Variants in STXBP6 observed in about 807,000 individuals in gnomAD.
STXBP6 encodes syntaxin-binding protein 6.
STXBP6 carries 21 observed loss-of-function variants against 26.9 expected under a neutral mutation model. The observed-to-expected ratio is 0.78, with a 90% CI of 0.55 to 1.12. The LOEUF (loss-of-function observed/expected upper bound fraction) is 1.12, where lower values mean the gene tolerates loss of function less well. STXBP6 is among the 50% of genes most tolerant of loss of function. The pLI, the probability that STXBP6 is intolerant of heterozygous loss-of-function variation, is 0.00. For missense variants in STXBP6, 232 were observed against 257.9 expected (o/e 0.90, Z 0.69); for synonymous variants, 97 against 92.6 (o/e 1.05, Z -0.27).
At chr14:25,012,184 C>T (rs547565526) in intron 1 of STXBP6, among the ~76,000 whole-genome samples, 1 of 152,114 alleles carries the variant, frequency 6.6e-6, no homozygotes, top group Non-Finnish European at 1.5e-5. Flanking sequence ...TATAAGGCCA[C>T]AAGTGATTAT....
chr14:24,945,320 T>G (rs1308514246), intron 2 of STXBP6, among the ~76,000 whole-genome samples: 1 of 151,872 alleles, frequency 6.6e-6, no homozygotes, highest in African/African-American at 2.4e-5. Flanking sequence ...GGCTCACACC[T>G]GTAATCCCAG....
intron 2 of STXBP6, among the ~76,000 whole-genome samples, chr14:24,874,688 A>C (rs2070069419): frequency 6.6e-6 from 1 of 152,186 alleles, no homozygotes; most frequent in South Asian, 2.1e-4. Flanking sequence ...ATGAGAAAAA[A>C]GTTGTTTGCT....
chr14:24,885,376 C>G (rs566406869), intron 2 of STXBP6, among the ~76,000 whole-genome samples: 2 of 152,278 alleles, frequency 1.3e-5, no homozygotes, highest in African/African-American at 2.4e-5. Context: ...TTCCTGTACT[C>G]AAGGTTTGGC....
chr14:25,007,503 C>T (rs1227688613), intron 1 of STXBP6, among the ~76,000 whole-genome samples: 1 of 152,174 alleles, frequency 6.6e-6, no homozygotes, highest in Non-Finnish European at 1.5e-5. Context: ...CCTTACCCCT[C>T]AGCACAATTC....
chr14:24,968,270 CG>C (rs2073798201), intron 2 of STXBP6, among the ~76,000 whole-genome samples: 1 of 150,640 alleles, frequency 6.6e-6, no homozygotes, highest in African/African-American at 2.4e-5. Context: ...TGAATTTCTT[CG>C]TTTTTCCTGG....
chr14:24,942,854 G>C (rs979386161), intron 2 of STXBP6, among the ~76,000 whole-genome samples: 2 of 152,146 alleles, frequency 1.3e-5, no homozygotes, highest in Admixed American at 6.6e-5. Context: ...GAAAAATCAA[G>C]ACAGGTACAC....
intron 1 of STXBP6, among the ~76,000 whole-genome samples, chr14:25,019,288 C>G (rs1273264285): frequency 6.6e-6 from 1 of 152,140 alleles, no homozygotes; most frequent in Admixed American, 6.5e-5. Context: ...TCTAAAGGAA[C>G]TTGTGGATTG....
At chr14:24,817,621 A>C (rs1322247528) in intron 5 of STXBP6, 1 of 165,080 alleles carries the variant, frequency 6.1e-6, no homozygotes, top group African/African-American at 2.4e-5. Context: ...TGTTGTTGTT[A>C]AAGAAGCTGA....
At chr14:25,012,480 G>A (rs941260666) in intron 1 of STXBP6, among the ~76,000 whole-genome samples, 3 of 152,264 alleles carry the variant, frequency 2.0e-5, no homozygotes, top group East Asian at 1.9e-4. Flanking sequence ...AGTAGTCCCA[G>A]CTATCTGGGA....
intron 2 of STXBP6, among the ~76,000 whole-genome samples, chr14:24,927,094 T>C (rs1011793526): frequency 6.6e-6 from 1 of 152,176 alleles, no homozygotes; most frequent in Non-Finnish European, 1.5e-5. Flanking sequence ...GGAATCATAA[T>C]GGATGAATTT....
At chr14:24,919,033 A>G (rs536704427) in intron 2 of STXBP6, among the ~76,000 whole-genome samples, 2 of 152,168 alleles carry the variant, frequency 1.3e-5, no homozygotes, top group African/African-American at 4.8e-5. Context: ...ATCATAATGG[A>G]GACTCTGGAA....
At chr14:24,836,367 C>A (rs182911004) in intron 4 of STXBP6, among the ~76,000 whole-genome samples, 100 of 152,088 alleles carry the variant, frequency 6.6e-4, no homozygotes, top group African/African-American at 2.4e-3. Flanking sequence ...GAGGTCGAGG[C>A]GAGCGGACCA....
chr14:24,923,864 A>T (rs946515327), intron 2 of STXBP6, among the ~76,000 whole-genome samples: 3 of 152,118 alleles, frequency 2.0e-5, no homozygotes, highest in Non-Finnish European at 4.4e-5. Flanking sequence ...TGCACATGGC[A>T]GTCTTTTCAC....
intron 2 of STXBP6, among the ~76,000 whole-genome samples, chr14:24,877,723 A>T (rs2139396634): frequency 6.6e-6 from 1 of 152,320 alleles, no homozygotes; most frequent in Middle Eastern, 3.4e-3. Context: ...TACTATTGCA[A>T]ACAATGCTGC....
At chr14:24,926,288 G>A (rs1290890773) in intron 2 of STXBP6, among the ~76,000 whole-genome samples, 1 of 152,128 alleles carries the variant, frequency 6.6e-6, no homozygotes, top group African/African-American at 2.4e-5. Flanking sequence ...GGTAAAAATT[G>A]GGACAAGAAG....
intron 1 of STXBP6, among the ~76,000 whole-genome samples, chr14:24,983,314 CA>C: frequency 6.6e-6 from 1 of 152,276 alleles, no homozygotes; most frequent in East Asian, 1.9e-4. Flanking sequence ...AACTAGTCAG[CA>C]AACTAAGAAA....
intron 2 of STXBP6, among the ~76,000 whole-genome samples, chr14:24,933,268 G>C (rs974148865): frequency 1.3e-5 from 2 of 152,170 alleles, no homozygotes; most frequent in South Asian, 2.1e-4. Context: ...CCTGAGCAAG[G>C]GAGGTGGACA....
At chr14:24,946,015 T>C (rs1380319403) in intron 2 of STXBP6, among the ~76,000 whole-genome samples, 1 of 152,216 alleles carries the variant, frequency 6.6e-6, no homozygotes, top group Non-Finnish European at 1.5e-5. Context: ...GACATACACC[T>C]TCTTAGAGGA....
At chr14:24,944,995 C>A (rs1241684902) in intron 2 of STXBP6, among the ~76,000 whole-genome samples, 6 of 152,000 alleles carry the variant, frequency 3.9e-5, no homozygotes, top group Non-Finnish European at 8.8e-5. Context: ...TCAGTGCTCT[C>A]CAAGGCTTTT....
Sources: allele counts gnomAD v4.1 joint callset (sites outside exome capture counted in the v4.1 genomes callset), GRCh38; gene constraint gnomAD v4.1.1; transcripts MANE v1.5; gene names NCBI Gene and HGNC (gene_info 2026-07-23, HGNC 2026-07-21).